FMNL2: variants seen among roughly 807,000 people sequenced by gnomAD.
FMNL2 encodes the protein formin like 2.
A neutral mutation model predicts 130.2 loss-of-function variants in FMNL2; 51 were observed. That is an observed-to-expected ratio of 0.39 (90% CI 0.31 to 0.49). The LOEUF (loss-of-function observed/expected upper bound fraction) is 0.49. Ranked by LOEUF, FMNL2 falls within the 20% of genes least tolerant of loss-of-function variation. FMNL2 has a pLI of 0.85. For missense variants in FMNL2, 977 were observed against 1,316.2 expected (o/e 0.74, Z 3.99); for synonymous variants, 465 against 467.1 (o/e 1.00, Z 0.06).
Position 152,647,955 on chromosome 2 carries a change from C to T in FMNL2, c.*50C>T. ...CAGGGTGTGCGTGAATGAAACTGCCCACATGAACTTTATGTGCTACGATTT... is the reference window on the plus strand; with the variant it reads ...CAGGGTGTGCGTGAATGAAACTGCCTACATGAACTTTATGTGCTACGATTT... On this transcript the variant is annotated 3_prime_UTR_variant, in exon 26 of 26. Transcript: ENST00000288670. The T allele has an allele frequency of 2.1e-6, 3 of 1,428,916 alleles. No homozygotes were observed. Among genetic ancestry groups the T allele is most frequent in the Non-Finnish European group, 2.9e-6 (3 of 1,040,688 alleles). 88.5% of individuals were successfully genotyped at this position (1,428,916 alleles called of 1,614,324 possible).
At chr2:152,566,022 C>T (rs1695816011) in intron 6 of FMNL2, among the ~76,000 whole-genome samples, 1 of 152,178 alleles carries the variant, frequency 6.6e-6, no homozygotes, top group African/African-American at 2.4e-5. Flanking sequence ...CTCAAACAGT[C>T]CTCCTGCTCA....
intron 9 of FMNL2, among the ~76,000 whole-genome samples, chr2:152,589,143 G>A (rs1355533698): frequency 6.6e-6 from 1 of 150,842 alleles, no homozygotes; most frequent in African/African-American, 2.4e-5. Context: ...CAGGGTAACA[G>A]TGCCCAGAGC....
chr2:152,647,037 C>T (rs1404513178), intron 25 of FMNL2, among the ~76,000 whole-genome samples: 1 of 152,102 alleles, frequency 6.6e-6, no homozygotes, highest in Non-Finnish European at 1.5e-5. Flanking sequence ...TGCAGGAGGG[C>T]CCACACAACT....
At chr2:152,455,035 A>G (rs1314841125) in intron 1 of FMNL2, among the ~76,000 whole-genome samples, 2 of 152,168 alleles carry the variant, frequency 1.3e-5, no homozygotes, top group Non-Finnish European at 2.9e-5. Context: ...GGATGGAGGA[A>G]GAAACTATGC....
rs532209134 is a variant in FMNL2, at chr2:152,617,026, C to G, written c.1213-65C>G. The G allele has an allele frequency of 7.5e-5, 107 of 1,431,006 alleles. No homozygotes were observed. In the African/African-American group the frequency reaches 1.4e-3, roughly 18 times the overall value. 88.6% of individuals were successfully genotyped at this position (1,431,006 alleles called of 1,614,324 possible). ...CCTAATAATCTTGGAGCTGCACTTT[C>G]TGAGAACTGAGGGCTGATCAAGATG... is the stretch of plus-strand genomic sequence containing the variant. On this transcript the variant is annotated intron_variant, in intron 12 of 25. Coordinates refer to ENST00000288670, the MANE Select transcript of FMNL2 (RefSeq NM_052905.4).
chr2:152,522,392 C>T (rs991471991), intron 2 of FMNL2, among the ~76,000 whole-genome samples: 10 of 152,050 alleles, frequency 6.6e-5, no homozygotes, highest in Non-Finnish European at 1.3e-4. Flanking sequence ...GCTGAAGGGC[C>T]CAGATATTAA....
chr2:152,489,599 A>G (rs1290548379), intron 1 of FMNL2, among the ~76,000 whole-genome samples: 1 of 152,196 alleles, frequency 6.6e-6, no homozygotes, highest in Non-Finnish European at 1.5e-5. Context: ...GCTTATATAC[A>G]CAATGTAATA....
chr2:152,592,462 A>C (rs1697492105), intron 9 of FMNL2, among the ~76,000 whole-genome samples: 1 of 152,176 alleles, frequency 6.6e-6, no homozygotes, highest in Admixed American at 6.5e-5. Flanking sequence ...GGTTTCTTTT[A>C]AACCAGCAAT....
At chr2:152,569,525 A>G (rs1316556951) in intron 6 of FMNL2, among the ~76,000 whole-genome samples, 1 of 149,888 alleles carries the variant, frequency 6.7e-6, no homozygotes, top group Non-Finnish European at 1.5e-5. Flanking sequence ...TTCTTAAAAG[A>G]TATTTGCTTA....
intron 1 of FMNL2, among the ~76,000 whole-genome samples, chr2:152,379,172 G>A (rs1018755743): frequency 6.6e-6 from 1 of 152,108 alleles, no homozygotes; most frequent in African/African-American, 2.4e-5. Flanking sequence ...CTTTAAAGGT[G>A]CGTGCAGTGT....
chr2:152,462,893 A>C (rs772380237), intron 1 of FMNL2, among the ~76,000 whole-genome samples: 2 of 152,160 alleles, frequency 1.3e-5, no homozygotes, highest in Non-Finnish European at 2.9e-5. Context: ...CTCTCTCTTC[A>C]TAATAGAGCC....
intron 4 of FMNL2, among the ~76,000 whole-genome samples, 193 bp downstream of exon 4, chr2:152,549,290 T>G (rs1694811662): frequency 6.6e-6 from 1 of 152,212 alleles, no homozygotes; most frequent in South Asian, 2.1e-4. Flanking sequence ...CAGATAGTCC[T>G]TGATGTGGAA....
intron 1 of FMNL2, among the ~76,000 whole-genome samples, chr2:152,445,035 A>G (rs1434246326): frequency 6.6e-6 from 1 of 152,234 alleles, no homozygotes; most frequent in African/African-American, 2.4e-5. Context: ...GTGGTTTTCC[A>G]TAAAGATGGA....
intron 1 of FMNL2, among the ~76,000 whole-genome samples, chr2:152,337,180 T>TC (rs1681520401): frequency 6.6e-6 from 1 of 151,928 alleles, no homozygotes; most frequent in Non-Finnish European, 1.5e-5. Context: ...CCACAGCTGC[T>TC]CCCACCGTTG....
At chr2:152,460,658 T>G (rs956426791) in intron 1 of FMNL2, among the ~76,000 whole-genome samples, 5 of 152,182 alleles carry the variant, frequency 3.3e-5, no homozygotes, top group Admixed American at 6.5e-5. Context: ...CCCCATCACT[T>G]GCATTACTGC....
At chr2:152,434,327 A>C (rs935863957) in intron 1 of FMNL2, among the ~76,000 whole-genome samples, 6 of 152,222 alleles carry the variant, frequency 3.9e-5, no homozygotes, top group African/African-American at 1.4e-4. Flanking sequence ...TGGAGGAATA[A>C]AGGCATTAGC....
rs557513211 is a variant in FMNL2, at chr2:152,384,080, T to C, written c.117+48360T>C. On this transcript the variant is annotated intron_variant, in intron 1 of 25. Coordinates refer to ENST00000288670, the MANE Select transcript of FMNL2 (RefSeq NM_052905.4). ...GAAATAGGGTATTGATTTCTATTTT[T>C]GTGAATGCTTACTTTGTGTATATTT... Among the ~76,000 whole-genome samples the C allele has an allele frequency of 3.3e-5, 5 of 152,330 alleles. No homozygotes were observed. The East Asian group carries it at 9.6e-4, about 29-fold the overall frequency.
chr2:152,397,012 C>G (rs1685430152), intron 1 of FMNL2, among the ~76,000 whole-genome samples: 1 of 152,172 alleles, frequency 6.6e-6, no homozygotes, highest in South Asian at 2.1e-4. Context: ...TATGTTATTT[C>G]TGTGGCTCAT....
intron 15 of FMNL2, 57 bp from the exon 16 acceptor site, chr2:152,625,381 C>A: frequency 6.4e-7 from 1 of 1,562,082 alleles, no homozygotes; most frequent in South Asian, 1.1e-5. Flanking sequence ...TCTGATTGTT[C>A]CTGAGGGTCG....
Sources: allele counts gnomAD v4.1 joint callset (sites outside exome capture counted in the v4.1 genomes callset), GRCh38; gene constraint gnomAD v4.1.1; transcripts MANE v1.5; gene names NCBI Gene and HGNC (gene_info 2026-07-23, HGNC 2026-07-21).